CFAP95: variants seen among roughly 807,000 people sequenced by gnomAD.
The protein encoded by CFAP95 is cilia and flagella associated protein 95.
chr9:69,871,291 C>A, the CFAP95 span, among the ~76,000 whole-genome samples: 4,525 of 152,162 alleles, frequency 0.03, 196 homozygotes, highest in African/African-American at 0.1. Flanking sequence ...CATGGTTCAT[C>A]AAGCAAGAAT....
the CFAP95 span, among the ~76,000 whole-genome samples, chr9:69,829,307 C>T: frequency 1.3e-5 from 2 of 152,118 alleles, no homozygotes; most frequent in South Asian, 4.1e-4. Flanking sequence ...TCTTCCAGTG[C>T]TGTTTTCTTT....
At chr9:69,900,169 T>C in the CFAP95 span, among the ~76,000 whole-genome samples, 1 of 152,248 alleles carries the variant, frequency 6.6e-6, no homozygotes. Context: ...CACCCACAGC[T>C]GTGAGTCCTC....
chr9:69,888,885 G>GAA, the CFAP95 span, among the ~76,000 whole-genome samples: 26,810 of 148,688 alleles, frequency 0.18, 2,609 homozygotes, highest in East Asian at 0.27. Context: ...CTCAAAAAGG[G>GAA]AAAAAAAAAA....
the CFAP95 span, among the ~76,000 whole-genome samples, chr9:69,873,134 T>C: frequency 6.6e-6 from 1 of 152,182 alleles, no homozygotes; most frequent in Non-Finnish European, 1.5e-5. Flanking sequence ...TAGGTCTTCC[T>C]ACATAAAGAG....
the CFAP95 span, among the ~76,000 whole-genome samples, chr9:69,871,334 T>C: frequency 6.6e-6 from 1 of 151,898 alleles, no homozygotes; most frequent in East Asian, 1.9e-4. Flanking sequence ...TGGAGAGAAA[T>C]ATTGGGGCTA....
At chr9:69,857,932 G>A in the CFAP95 span, 7 of 1,613,968 alleles carry the variant, frequency 4.3e-6, no homozygotes, top group Non-Finnish European at 5.9e-6. Context: ...CCTGCCACAG[G>A]TTTTGGAGCT....
chr9:69,888,954 A>C, the CFAP95 span, among the ~76,000 whole-genome samples: 1 of 152,334 alleles, frequency 6.6e-6, no homozygotes, highest in South Asian at 2.1e-4. Context: ...AATTGAAACT[A>C]GCAATAAAAT....
the CFAP95 span, chr9:69,856,593 G>A: frequency 6.2e-7 from 1 of 1,610,990 alleles, no homozygotes; most frequent in South Asian, 1.1e-5. Context: ...TGTCACAAAT[G>A]TGTTTAAACA....
At chr9:69,872,806 C>T in the CFAP95 span, among the ~76,000 whole-genome samples, 1 of 152,220 alleles carries the variant, frequency 6.6e-6, no homozygotes, top group South Asian at 2.1e-4. Flanking sequence ...GCTTGAATCA[C>T]CTGTTCTGTG....
chr9:69,888,520 A>G, the CFAP95 span, among the ~76,000 whole-genome samples: 2 of 152,188 alleles, frequency 1.3e-5, no homozygotes, highest in African/African-American at 4.8e-5. Context: ...CAAATACTAA[A>G]CAATATGAAT....
At chr9:69,841,353 G>A in the CFAP95 span, among the ~76,000 whole-genome samples, 26 of 151,400 alleles carry the variant, frequency 1.7e-4, no homozygotes, top group African/African-American at 6.1e-4. Flanking sequence ...GATGTACTCC[G>A]GTTTTATTGC....
At chr9:69,835,031 C>A in the CFAP95 span, among the ~76,000 whole-genome samples, 16 of 152,158 alleles carry the variant, frequency 1.1e-4, no homozygotes, top group African/African-American at 3.9e-4. Context: ...GTCTTTGATT[C>A]TATCGGTTTT....
At chr9:69,879,819 T>C in the CFAP95 span, among the ~76,000 whole-genome samples, 1 of 152,164 alleles carries the variant, frequency 6.6e-6, no homozygotes, top group Non-Finnish European at 1.5e-5. Context: ...TTAGTGAGAA[T>C]TTAGAAATTT....
the CFAP95 span, among the ~76,000 whole-genome samples, chr9:69,889,165 A>C: frequency 1.3e-5 from 2 of 152,160 alleles, no homozygotes; most frequent in African/African-American, 4.8e-5. Context: ...TCTTTTTCTG[A>C]ACTGATACCC....
the CFAP95 span, among the ~76,000 whole-genome samples, chr9:69,893,161 C>T: frequency 2.0e-5 from 3 of 152,180 alleles, no homozygotes; most frequent in African/African-American, 7.2e-5. Context: ...CTAGGCGCTT[C>T]CATGGGCTCG....
At chr9:69,897,839 G>T in the CFAP95 span, among the ~76,000 whole-genome samples, 1 of 152,060 alleles carries the variant, frequency 6.6e-6, no homozygotes, top group South Asian at 2.1e-4. Flanking sequence ...TGGGTTGGGG[G>T]AACCACTCAC....
chr9:69,889,846 T>C, the CFAP95 span, among the ~76,000 whole-genome samples: 1 of 152,182 alleles, frequency 6.6e-6, no homozygotes, highest in Non-Finnish European at 1.5e-5. Context: ...TCTTAGTGTC[T>C]TGATAAATCT....
chr9:69,832,011 G>A, the CFAP95 span, among the ~76,000 whole-genome samples: 10 of 152,186 alleles, frequency 6.6e-5, no homozygotes, highest in East Asian at 3.9e-4. Context: ...TGTATCTAGC[G>A]TCAACACATT....
the CFAP95 span, among the ~76,000 whole-genome samples, chr9:69,831,188 G>A: frequency 6.6e-6 from 1 of 151,800 alleles, no homozygotes; most frequent in Non-Finnish European, 1.5e-5. Context: ...TTAAATGGAA[G>A]AATTAATATA....
Sources: allele counts gnomAD v4.1 joint callset (sites outside exome capture counted in the v4.1 genomes callset), GRCh38; gene constraint gnomAD v4.1.1; transcripts MANE v1.5; gene names NCBI Gene and HGNC (gene_info 2026-07-23, HGNC 2026-07-21).